AASS: variants seen among roughly 807,000 people sequenced by gnomAD.
The protein encoded by AASS is aminoadipate-semialdehyde synthase, also known as alpha-aminoadipic semialdehyde synthase, mitochondrial.
Under a neutral mutation model 105.4 loss-of-function variants are expected in AASS, and 86 were observed. The ratio of observed to expected loss-of-function variants is 0.82; its 90% CI spans 0.69 to 0.98. AASS has a LOEUF of 0.98. Among genes scored for constraint, AASS ranks in the 50% least tolerant of loss-of-function variants. AASS has a pLI of 0.00. For synonymous variants in AASS, 381 were observed against 394.8 expected (o/e 0.96, Z 0.41); for missense variants, 1,048 against 1,143.2 (o/e 0.92, Z 1.20).
Position 122,116,958 on chromosome 7 carries a change from C to CT in AASS, c.688-2dup, listed in dbSNP as rs2150537401. The stretch of plus-strand genomic sequence containing the variant: ...GCTCATTAAAGATTGCTTGGGCTCC[C>CT]TACAAATAACACATGAGTAAAAATC... On this transcript the variant is annotated splice_acceptor_variant, in intron 6 of 23. Coordinates refer to ENST00000417368, the MANE Select transcript of AASS (RefSeq NM_005763.4). LOFTEE classifies it high-confidence loss of function. 6.2e-7 allele frequency: 1 copy of CT among 1,613,054 alleles called. No individual in the cohort carries two copies. Among genetic ancestry groups the CT allele is most frequent in the East Asian group, 2.2e-5 (1 of 44,848 alleles).
At chr7:122,104,460 G>T (rs1316260682) in intron 11 of AASS, among the ~76,000 whole-genome samples, 2 of 152,020 alleles carry the variant, frequency 1.3e-5, no homozygotes, top group African/African-American at 4.8e-5. Context: ...GCCAGGCTTG[G>T]TGGTGGGCAC....
intron 11 of AASS, among the ~76,000 whole-genome samples, chr7:122,109,750 G>A (rs1290549264): frequency 6.7e-6 from 1 of 149,786 alleles, no homozygotes; most frequent in African/African-American, 2.4e-5. Flanking sequence ...ACCTGGTTAA[G>A]AATTTTTTGG....
intron 4 of AASS, among the ~76,000 whole-genome samples, chr7:122,124,919 T>C (rs190452458): frequency 4.6e-5 from 7 of 152,240 alleles, no homozygotes; most frequent in Admixed American, 2.6e-4. Context: ...ATAAAAACAA[T>C]GAATTTGTTT....
chr7:122,139,973 CAAACAAAT>C (rs1796311295), intron 1 of AASS, among the ~76,000 whole-genome samples: 1 of 149,968 alleles, frequency 6.7e-6, no homozygotes, highest in Non-Finnish European at 1.5e-5. Context: ...AACAAACAAA[CAAACAAAT>C]GATGTATTTA....
chr7:122,082,852 AT>A (rs1793430844), intron 19 of AASS: 2 of 1,289,536 alleles, frequency 1.6e-6, no homozygotes. Flanking sequence ...GGTATTCAAC[AT>A]TATTCAACAT....
intron 13 of AASS, among the ~76,000 whole-genome samples, chr7:122,099,207 G>GTC (rs1794318558): frequency 6.6e-6 from 1 of 151,794 alleles, no homozygotes; most frequent in Admixed American, 6.6e-5. Flanking sequence ...GAGTAACTTG[G>GTC]TCTCACATTT....
chr7:122,088,193 G>C (rs569650534), intron 18 of AASS, among the ~76,000 whole-genome samples: 4 of 151,926 alleles, frequency 2.6e-5, no homozygotes, highest in Non-Finnish European at 5.9e-5. Context: ...AGCTTCTCTA[G>C]GTCCAACTCT....
chr7:122,109,968 T>C (rs1584862024), intron 11 of AASS, among the ~76,000 whole-genome samples: 1 of 151,682 alleles, frequency 6.6e-6, no homozygotes, highest in Non-Finnish European at 1.5e-5. Flanking sequence ...AAACAAGAGA[T>C]AATACAATCA....
At chr7:122,127,117 T>C (rs908956335) in intron 3 of AASS, among the ~76,000 whole-genome samples, 15 of 152,146 alleles carry the variant, frequency 9.9e-5, no homozygotes, top group African/African-American at 2.9e-4. Flanking sequence ...CTATTAAAAG[T>C]AGTACAGGAT....
intron 11 of AASS, among the ~76,000 whole-genome samples, chr7:122,107,015 G>C (rs1794700430): frequency 6.6e-6 from 1 of 151,964 alleles, no homozygotes; most frequent in African/African-American, 2.4e-5. Context: ...CTAATATCTA[G>C]CTTCTATAAA....
chr7:122,107,690 C>T (rs1794729053), intron 11 of AASS, among the ~76,000 whole-genome samples: 1 of 152,012 alleles, frequency 6.6e-6, no homozygotes, highest in South Asian at 2.1e-4. Context: ...TAAGCAGGAG[C>T]TAAATGATGA....
intron 11 of AASS, among the ~76,000 whole-genome samples, chr7:122,104,847 C>T (rs972944332): frequency 7.9e-5 from 12 of 151,954 alleles, no homozygotes; most frequent in East Asian, 3.9e-4. Flanking sequence ...ACTTTAGTGA[C>T]GAATTCATTT....
At chr7:122,094,288 T>C (rs1794042071) in intron 15 of AASS, among the ~76,000 whole-genome samples, 1 of 152,134 alleles carries the variant, frequency 6.6e-6, no homozygotes, top group South Asian at 2.1e-4. Context: ...TGGAAAGACG[T>C]GATCAATGAC....
intron 23 of AASS, among the ~76,000 whole-genome samples, chr7:122,076,947 A>AC (rs1554377849): frequency 6.6e-6 from 1 of 151,506 alleles, no homozygotes; most frequent in Non-Finnish European, 1.5e-5. Flanking sequence ...TGCTAATGTC[A>AC]TTTTTTTTTA....
chr7:122,111,538 T>C (rs1473053295), intron 11 of AASS, among the ~76,000 whole-genome samples: 1 of 152,210 alleles, frequency 6.6e-6, no homozygotes, highest in Non-Finnish European at 1.5e-5. Flanking sequence ...TATTGTATTT[T>C]TTATATACAT....
At chr7:122,118,730 C>T (rs1795309239) in intron 4 of AASS, 100 bp from the exon 5 acceptor site, 2 of 1,146,776 alleles carry the variant, frequency 1.7e-6, no homozygotes, top group East Asian at 5.0e-5. Context: ...TGCAGAAGCA[C>T]AGATCATGCA....
intron 2 of AASS, among the ~76,000 whole-genome samples, chr7:122,131,114 G>T (rs1795897628): frequency 6.6e-6 from 1 of 151,424 alleles, no homozygotes; most frequent in African/African-American, 2.4e-5. Context: ...GGATGTAGGG[G>T]ATTAAAATGA....
intron 4 of AASS, among the ~76,000 whole-genome samples, chr7:122,125,715 G>T (rs1795626947): frequency 6.6e-6 from 1 of 152,204 alleles, no homozygotes; most frequent in African/African-American, 2.4e-5. Context: ...CTTAATGCTT[G>T]CTTGGACCAG....
chr7:122,081,246 C>A (rs1793304876), intron 20 of AASS, among the ~76,000 whole-genome samples: 1 of 152,180 alleles, frequency 6.6e-6, no homozygotes, highest in East Asian at 1.9e-4. Flanking sequence ...GCAAAGGCAT[C>A]TCTTATCACA....
Sources: allele counts gnomAD v4.1 joint callset (sites outside exome capture counted in the v4.1 genomes callset), GRCh38; gene constraint gnomAD v4.1.1; transcripts MANE v1.5; gene names NCBI Gene and HGNC (gene_info 2026-07-23, HGNC 2026-07-21).